RAVER2: variants seen among roughly 807,000 people sequenced by gnomAD.
The protein encoded by RAVER2 is ribonucleoprotein PTB-binding 2.
In RAVER2, 46 loss-of-function variants were observed where a neutral mutation model predicts 78.1. The ratio of observed to expected loss-of-function variants is 0.59; its 90% CI spans 0.46 to 0.75. The LOEUF is 0.75. Ranked by LOEUF, RAVER2 falls within the 30% of genes least tolerant of loss-of-function variation. The pLI is 0.00. For missense variants in RAVER2, 793 were observed against 837.5 expected (o/e 0.95, Z 0.66); for synonymous variants, 311 against 313.3 (o/e 0.99, Z 0.08).
At position 64,745,682 on chromosome 1, in the gene RAVER2, T is replaced by TC. The variant is rs1004697591; in HGVS notation, c.249+263dup. ...GTCACGGGAATCAGGGGCTGCTGCC[T>TC]CCAAGTTCGGCCCGGTCTTTCCTTC... On this transcript the variant is annotated intron_variant, in intron 1 of 11. Transcript: ENST00000294428. The surrounding 1 kb of genome is among the most constrained non-coding windows in gnomAD (Gnocchi z 4.3). Among the ~76,000 whole-genome samples, 2 of 151,780 alleles carry TC rather than the reference T, an allele frequency of 1.3e-5. No individual in the cohort carries two copies. The highest frequency in any genetic ancestry group is 4.8e-5 in the African/African-American group (2 of 41,292).
Position 64,813,020 on chromosome 1 carries a change from T to C in RAVER2, c.1792+171T>C, listed in dbSNP as rs532632283. Among the ~76,000 whole-genome samples, 6 of 152,342 alleles carry C rather than the reference T, an allele frequency of 3.9e-5. No individual in the cohort carries two copies. In the East Asian group the frequency reaches 1.2e-3, roughly 29 times the overall value. ...TTAAAACTAAGACACTCAAAATGCG[T>C]GCTATTTTATTTAAGGAAAACATTA... On this transcript the variant is annotated intron_variant, in intron 10 of 11. Coordinates refer to ENST00000294428, the Ensembl canonical transcript of RAVER2.
chr1:64,819,186 C>G (rs1293681815), intron 11 of RAVER2, among the ~76,000 whole-genome samples: 1 of 151,798 alleles, frequency 6.6e-6, no homozygotes, highest in Non-Finnish European at 1.5e-5. Context: ...CCCAAGGTGA[C>G]CCAGATGTTG....
At chr1:64,823,521 T>A (rs138039529) in intron 11 of RAVER2, among the ~76,000 whole-genome samples, 9 of 152,212 alleles carry the variant, frequency 5.9e-5, no homozygotes, top group African/African-American at 1.9e-4. Context: ...ATGTACAAAT[T>A]GAGTTTGAAA....
chr1:64,822,963 A>G (rs1018531269), intron 11 of RAVER2, among the ~76,000 whole-genome samples: 1 of 152,216 alleles, frequency 6.6e-6, no homozygotes, highest in Non-Finnish European at 1.5e-5. Context: ...CATTTATATG[A>G]AATATCCAGA....
intron 2 of RAVER2, among the ~76,000 whole-genome samples, chr1:64,771,554 TTGAC>T (rs1652319558): frequency 6.6e-6 from 1 of 152,056 alleles, no homozygotes; most frequent in African/African-American, 2.4e-5. Context: ...AAAAGTATAA[TTGAC>T]TGTTAAAAGC....
At chr1:64,777,480 C>T in intron 2 of RAVER2, 143 bp from the exon 3 acceptor site, 2 of 645,740 alleles carry the variant, frequency 3.1e-6, no homozygotes, top group South Asian at 2.1e-5. Flanking sequence ...CAATGCATTG[C>T]ATATAGTAGG....
At chr1:64,764,832 A>C (rs1652128509) in intron 1 of RAVER2, among the ~76,000 whole-genome samples, 1 of 152,200 alleles carries the variant, frequency 6.6e-6, no homozygotes, top group Admixed American at 6.5e-5. Flanking sequence ...TAAGGCCTTC[A>C]ACTGATTGGA....
At chr1:64,770,642 A>C (rs1652290469) in intron 2 of RAVER2, among the ~76,000 whole-genome samples, 1 of 152,060 alleles carries the variant, frequency 6.6e-6, no homozygotes, top group Admixed American at 6.6e-5. Flanking sequence ...ATTGACACAG[A>C]TGAATTAATA....
chr1:64,828,316 G>A (rs1654046867), intron 11 of RAVER2, among the ~76,000 whole-genome samples: 1 of 152,056 alleles, frequency 6.6e-6, no homozygotes, highest in Non-Finnish European at 1.5e-5. Flanking sequence ...CATAGTCCAA[G>A]TTTCATTCAT....
intron 2 of RAVER2, among the ~76,000 whole-genome samples, chr1:64,770,883 A>C (rs1024672730): frequency 6.6e-6 from 1 of 152,010 alleles, no homozygotes; most frequent in Non-Finnish European, 1.5e-5. Context: ...AAGTGATCCA[A>C]AATGAAACAC....
At position 64,825,724 on chromosome 1, in the gene RAVER2, C is replaced by G. The variant is rs550952518; in HGVS notation, c.1930-5115C>G. Reference sequence around the variant, plus strand: ...TAAGATACATTGTATTAAAAACTGGCAGTCAACAAATGATATTGTGACATT... The same window carrying G: ...TAAGATACATTGTATTAAAAACTGGGAGTCAACAAATGATATTGTGACATT... On this transcript the variant is annotated intron_variant, in intron 11 of 11. Coordinates refer to ENST00000294428, the Ensembl canonical transcript of RAVER2. 2.0e-5 allele frequency among the ~76,000 whole-genome samples: 3 copies of G among 152,286 alleles called. No individual in the cohort carries two copies. The South Asian group carries it at 6.2e-4, about 32-fold the overall frequency.
At chr1:64,790,417 G>A (rs943253298) in intron 5 of RAVER2, among the ~76,000 whole-genome samples, 4 of 152,124 alleles carry the variant, frequency 2.6e-5, no homozygotes, top group African/African-American at 9.7e-5. Context: ...TCATGGTATT[G>A]TAGTGCTTAT....
At chr1:64,784,500 T>A (rs1027683736) in intron 4 of RAVER2, among the ~76,000 whole-genome samples, 2 of 152,214 alleles carry the variant, frequency 1.3e-5, no homozygotes, top group African/African-American at 4.8e-5. Context: ...AGAGCTGATA[T>A]CAGTAGATTT....
chr1:64,814,749 G>C, exon 11 of RAVER2: 1 of 1,580,676 alleles, frequency 6.3e-7, no homozygotes, highest in East Asian at 2.3e-5. Context: ...ATTGCAAGCA[G>C]CATTCTGGAT....
chr1:64,766,436 A>G (rs1652177711), intron 1 of RAVER2, among the ~76,000 whole-genome samples: 1 of 152,188 alleles, frequency 6.6e-6, no homozygotes, highest in East Asian at 1.9e-4. Context: ...TGCCTGGGTC[A>G]AAGCAACCAG....
At chr1:64,784,263 G>A (rs1652716344) in intron 4 of RAVER2, among the ~76,000 whole-genome samples, 1 of 152,146 alleles carries the variant, frequency 6.6e-6, no homozygotes, top group Non-Finnish European at 1.5e-5. Flanking sequence ...GTTAGTCTCA[G>A]CTACTTGGGG....
rs568455825 is a variant in RAVER2 at position 64,764,345 on chromosome 1, G to GAA, written c.250-4301_250-4300dup. On this transcript the variant is annotated intron_variant, in intron 1 of 11. Transcript: ENST00000294428. ...TCCTAATAGTTGATTACCCATATAG[G>GAA]AAAAAAAAAAACTATTTTCCCATAT... Among the ~76,000 whole-genome samples the GAA allele has an allele frequency of 2.4e-4, 31 of 131,888 alleles. 7 individuals carry two copies. Among genetic ancestry groups the GAA allele is most frequent in the Admixed American group, 4.6e-4 (6 of 13,052 alleles). The allele number at this position is 131,888 out of a possible 152,430, so 86.5% of individuals were successfully genotyped here. A position where few individuals can be genotyped will look rare whatever the true frequency, so the allele number is the denominator to read the frequency against.
intron 1 of RAVER2, among the ~76,000 whole-genome samples, chr1:64,766,144 C>T (rs1361085965): frequency 6.6e-6 from 1 of 152,182 alleles, no homozygotes; most frequent in Non-Finnish European, 1.5e-5. Flanking sequence ...AAATAGTTTA[C>T]TAAAGCTATC....
chr1:64,808,456 CTTTTTTTTTTTT>C (rs71584460), intron 9 of RAVER2, among the ~76,000 whole-genome samples: 1 of 103,164 alleles, frequency 9.7e-6, no homozygotes, highest in African/African-American at 3.9e-5. Flanking sequence ...TAATGCAGTC[CTTTTTTTTTTTT>C]TTTTTTTTTT....
Sources: gnomAD v4.1 joint callset for allele counts (sites outside exome capture counted in the v4.1 genomes callset) on GRCh38, gnomAD v4.1.1 for gene constraint, Gnocchi (gnomAD v3.1) non-coding constraint, MANE v1.5 for transcripts, NCBI Gene and HGNC (gene_info 2026-07-23, HGNC 2026-07-21) for gene names.